The following NR1H4 variants were observed in gnomAD, a reference collection of about 807,000 sequenced individuals.
NR1H4 encodes the protein bile acid receptor.
A neutral mutation model predicts 58.5 loss-of-function variants in NR1H4; 23 were observed. The ratio of observed to expected loss-of-function variants is 0.39; its 90% CI spans 0.28 to 0.56. NR1H4 has a LOEUF of 0.56. NR1H4 is among the 20% of genes least tolerant of loss of function. The pLI is 0.58. For missense variants in NR1H4, 487 were observed against 576.9 expected, an observed-to-expected ratio of 0.84 and a Z score of 1.60; for synonymous variants, 214 against 198.0, an observed-to-expected ratio of 1.08 and a Z score of -0.68.
intron 4 of NR1H4, among the ~76,000 whole-genome samples, chr12:100,522,528 G>A (rs1034186540): frequency 6.6e-6 from 1 of 151,674 alleles, no homozygotes; most frequent in South Asian, 2.1e-4. Context: ...TCTGTACCTG[G>A]CACTCTTTTT....
chr12:100,504,333 T>C (rs1953907647), intron 3 of NR1H4, among the ~76,000 whole-genome samples: 1 of 152,170 alleles, frequency 6.6e-6, no homozygotes, highest in African/African-American at 2.4e-5. Context: ...TGTGAACATG[T>C]TTTTGGTCAT....
At chr12:100,482,416 A>G (rs1953401337) in intron 1 of NR1H4, among the ~76,000 whole-genome samples, 1 of 152,144 alleles carries the variant, frequency 6.6e-6, no homozygotes, top group Non-Finnish European at 1.5e-5. Context: ...AGTAAGGTAT[A>G]TTATTCATTC....
At chr12:100,521,323 C>T (rs1302535788) in intron 4 of NR1H4, among the ~76,000 whole-genome samples, 2 of 152,124 alleles carry the variant, frequency 1.3e-5, no homozygotes, top group Non-Finnish European at 2.9e-5. Flanking sequence ...ACAAGCATCA[C>T]GCAGAATGAC....
intron 4 of NR1H4, among the ~76,000 whole-genome samples, chr12:100,517,059 G>A (rs1389413071): frequency 6.6e-6 from 1 of 151,952 alleles, no homozygotes; most frequent in African/African-American, 2.4e-5. Context: ...CTCTCTTCTA[G>A]TTATTTTGAA....
intron 4 of NR1H4, among the ~76,000 whole-genome samples, chr12:100,529,669 T>A (rs1411049980): frequency 6.6e-6 from 1 of 152,188 alleles, no homozygotes; most frequent in Non-Finnish European, 1.5e-5. Context: ...TCATGGTCCA[T>A]GTTTCTAAAA....
chr12:100,551,695 A>G (rs973998141), intron 9 of NR1H4, among the ~76,000 whole-genome samples: 1 of 152,202 alleles, frequency 6.6e-6, no homozygotes, highest in Admixed American at 6.5e-5. Flanking sequence ...GTATTTCCCA[A>G]GCTTTTTGTA....
At chr12:100,518,631 C>G (rs1257223297) in intron 4 of NR1H4, among the ~76,000 whole-genome samples, 1 of 152,098 alleles carries the variant, frequency 6.6e-6, no homozygotes, top group African/African-American at 2.4e-5. Flanking sequence ...ACAGCAGCCT[C>G]TGTTGCAACT....
At chr12:100,482,645 A>C in intron 1 of NR1H4, among the ~76,000 whole-genome samples, 1 of 152,192 alleles carries the variant, frequency 6.6e-6, no homozygotes, top group East Asian at 1.9e-4. Context: ...CACCACTGCA[A>C]AGAAGAAGTA....
intron 9 of NR1H4, among the ~76,000 whole-genome samples, chr12:100,553,219 T>A (rs952929079): frequency 3.9e-5 from 6 of 152,116 alleles, no homozygotes; most frequent in Admixed American, 1.3e-4. Flanking sequence ...AGGATGGTCT[T>A]GATCTCTTGA....
intron 10 of NR1H4, among the ~76,000 whole-genome samples, chr12:100,562,643 A>C (rs1385231060): frequency 6.6e-6 from 1 of 152,080 alleles, no homozygotes; most frequent in Non-Finnish European, 1.5e-5. Context: ...TATATTCAGG[A>C]TATTTCCAGT....
chr12:100,528,600 T>C (rs936058580), intron 4 of NR1H4, among the ~76,000 whole-genome samples: 1 of 152,212 alleles, frequency 6.6e-6, no homozygotes, highest in African/African-American at 2.4e-5. Context: ...TTTTCTGATA[T>C]GAGCATTGTT....
chr12:100,488,834 A>G (rs12300892), intron 1 of NR1H4, among the ~76,000 whole-genome samples: 74 of 152,374 alleles, frequency 4.9e-4, no homozygotes, highest in Non-Finnish European at 9.1e-4. Context: ...AAATTATATT[A>G]CTTGCAACTA....
At chr12:100,560,102 G>A (rs1364705584) in intron 9 of NR1H4, among the ~76,000 whole-genome samples, 1 of 152,172 alleles carries the variant, frequency 6.6e-6, no homozygotes, top group African/African-American at 2.4e-5. Flanking sequence ...GGGCCTTGGA[G>A]AACCTGTGTG....
chr12:100,540,623 T>G, intron 8 of NR1H4, 49 bp from the exon 9 acceptor site: 1 of 1,585,788 alleles, frequency 6.3e-7, no homozygotes, highest in Non-Finnish European at 8.7e-7. Context: ...ATGGTGATCA[T>G]GAAATATTGT....
At chr12:100,474,947 ATAATAT>A in intron 1 of NR1H4, among the ~76,000 whole-genome samples, 1 of 152,196 alleles carries the variant, frequency 6.6e-6, no homozygotes, top group Non-Finnish European at 1.5e-5. Context: ...ACCCTTAGAA[ATAATAT>A]TAGTGATAAA....
intron 4 of NR1H4, among the ~76,000 whole-genome samples, chr12:100,518,791 T>C: frequency 6.9e-6 from 1 of 144,804 alleles, no homozygotes; most frequent in South Asian, 2.3e-4. Context: ...CCAATGACTT[T>C]TTTTTTTTTT....
intron 6 of NR1H4, among the ~76,000 whole-genome samples, chr12:100,535,578 T>G (rs911104088): frequency 3.9e-5 from 6 of 152,254 alleles, no homozygotes; most frequent in Non-Finnish European, 5.9e-5. Flanking sequence ...TTTGATGGAA[T>G]TTTATTTTGC....
chr12:100,531,618 C>T (rs1954695091), intron 4 of NR1H4, among the ~76,000 whole-genome samples: 1 of 152,186 alleles, frequency 6.6e-6, no homozygotes. Flanking sequence ...TCTTCTCTTA[C>T]CTCTCACAAT....
intron 4 of NR1H4, among the ~76,000 whole-genome samples, chr12:100,524,803 CTTTA>C (rs1954515737): frequency 2.0e-5 from 3 of 152,028 alleles, no homozygotes; most frequent in African/African-American, 7.2e-5. Flanking sequence ...TGTGGATAGT[CTTTA>C]TTTATTTCTG....
Sources: gnomAD v4.1 joint callset for allele counts (sites outside exome capture counted in the v4.1 genomes callset) on GRCh38, gnomAD v4.1.1 for gene constraint, MANE v1.5 for transcripts, NCBI Gene and HGNC (gene_info 2026-07-23, HGNC 2026-07-21) for gene names.